Variants in DPP10 observed in about 807,000 individuals in gnomAD.
DPP10 encodes dipeptidyl peptidase like 10, also known as inactive dipeptidyl peptidase 10.
In DPP10, 33 loss-of-function variants were observed where a neutral mutation model predicts 120.9. The observed-to-expected ratio is 0.27, with a 90% CI of 0.21 to 0.37. DPP10 has a LOEUF of 0.37. Ranked by LOEUF, DPP10 falls within the 10% of genes least tolerant of loss-of-function variation. The pLI is 1.00. For missense variants in DPP10, 816 were observed against 942.8 expected (o/e 0.87, Z 1.76); for synonymous variants, 337 against 326.1 (o/e 1.03, Z -0.36).
intron 5 of DPP10, among the ~76,000 whole-genome samples, chr2:115,555,134 T>C (rs1294464537): frequency 6.6e-6 from 1 of 152,122 alleles, no homozygotes; most frequent in Non-Finnish European, 1.5e-5. Flanking sequence ...CAAATGGATA[T>C]TGATGGGGAA....
chr2:115,733,926 T>C (rs188525026), intron 8 of DPP10, among the ~76,000 whole-genome samples: 1 of 152,338 alleles, frequency 6.6e-6, no homozygotes, highest in East Asian at 1.9e-4. Context: ...TCTTTGTAAA[T>C]AATATAATAT....
chr2:114,535,716 G>T (rs144776659), intron 1 of DPP10, among the ~76,000 whole-genome samples: 3 of 150,814 alleles, frequency 2.0e-5, no homozygotes, highest in Non-Finnish European at 3.0e-5. Flanking sequence ...CTGTCAGACA[G>T]TTTTTTTTTC....
intron 1 of DPP10, among the ~76,000 whole-genome samples, chr2:115,090,272 T>G (rs1709134183): frequency 6.6e-6 from 1 of 152,198 alleles, no homozygotes; most frequent in Non-Finnish European, 1.5e-5. Context: ...TCATACGACA[T>G]TCTGGACAAG....
chr2:115,252,908 A>G (rs537030315), intron 1 of DPP10, among the ~76,000 whole-genome samples: 1 of 152,328 alleles, frequency 6.6e-6, no homozygotes. Flanking sequence ...TTTGACCCAT[A>G]GTTCCAGCTT....
chr2:114,545,394 A>AAC (rs1457906078), intron 1 of DPP10, among the ~76,000 whole-genome samples: 1 of 152,196 alleles, frequency 6.6e-6, no homozygotes, highest in Non-Finnish European at 1.5e-5. Flanking sequence ...TGATTCACTG[A>AAC]ACAGATGGCT....
At chr2:115,509,214 G>A (rs567438356) in intron 4 of DPP10, among the ~76,000 whole-genome samples, 33 of 152,248 alleles carry the variant, frequency 2.2e-4, no homozygotes, top group African/African-American at 7.9e-4. Context: ...AGACACTAGT[G>A]GATGGCCTAG....
chr2:114,471,356 G>A (rs1362822569), intron 1 of DPP10, among the ~76,000 whole-genome samples: 2 of 152,072 alleles, frequency 1.3e-5, no homozygotes, highest in Admixed American at 1.3e-4. Flanking sequence ...AGTCTAAAAG[G>A]TGTCAAAGGA....
intron 1 of DPP10, among the ~76,000 whole-genome samples, chr2:114,444,267 T>C (rs1287606394): frequency 6.6e-6 from 1 of 152,180 alleles, no homozygotes; most frequent in Non-Finnish European, 1.5e-5. Context: ...TATCTAAGCA[T>C]ATCACTGAAC....
At chr2:115,306,566 G>T (rs1420409590) in intron 1 of DPP10, among the ~76,000 whole-genome samples, 2 of 152,044 alleles carry the variant, frequency 1.3e-5, no homozygotes, top group Non-Finnish European at 2.9e-5. Context: ...AGTAACGTAA[G>T]TAACACCATG....
intron 1 of DPP10, among the ~76,000 whole-genome samples, chr2:114,711,118 T>C (rs1250791304): frequency 6.6e-6 from 1 of 152,202 alleles, no homozygotes; most frequent in African/African-American, 2.4e-5. Context: ...AGGCAGTTTT[T>C]GGATGATCAT....
At chr2:115,159,973 A>C (rs148816248) in intron 1 of DPP10, among the ~76,000 whole-genome samples, 1,695 of 152,312 alleles carry the variant, frequency 0.011, 23 homozygotes, top group African/African-American at 0.029. Context: ...TGGAAACACA[A>C]TGAAAGGATG....
At position 114,972,546 on chromosome 2, in the gene DPP10, A is replaced by C. The variant is rs534898773; in HGVS notation, c.61-336693A>C. Among the ~76,000 whole-genome samples, 4 of 152,208 alleles carry C rather than the reference A, an allele frequency of 2.6e-5. 1 individual carries two copies. Among genetic ancestry groups the C allele is most frequent in the Admixed American group, 2.6e-4 (4 of 15,278 alleles). On this transcript the variant is annotated intron_variant, in intron 1 of 25. Coordinates refer to ENST00000410059, the MANE Select transcript of DPP10 (RefSeq NM_020868.6). ...GGAATCTAGAAACAGGGTGGATCTCAGGATGATGGATCCATTGATTCCATG... is the reference window on the plus strand; with the variant it reads ...GGAATCTAGAAACAGGGTGGATCTCCGGATGATGGATCCATTGATTCCATG...
intron 1 of DPP10, among the ~76,000 whole-genome samples, chr2:115,084,898 A>C (rs1708566785): frequency 6.6e-6 from 1 of 152,190 alleles, no homozygotes. Context: ...ATGCATTAGC[A>C]TTTCTAGGAA....
intron 1 of DPP10, among the ~76,000 whole-genome samples, chr2:114,729,911 A>ACTAGAGG (rs1485789649): frequency 6.2e-4 from 95 of 152,352 alleles, no homozygotes; most frequent in African/African-American, 2.2e-3. Flanking sequence ...ACAGGCAGTA[A>ACTAGAGG]TTGATGAAAG....
chr2:115,274,928 T>C (rs772466046), intron 1 of DPP10, among the ~76,000 whole-genome samples: 2 of 152,216 alleles, frequency 1.3e-5, no homozygotes, highest in Admixed American at 6.5e-5. Context: ...AGATCACTTG[T>C]GTTCAGCACC....
intron 19 of DPP10, among the ~76,000 whole-genome samples, chr2:115,800,568 G>A (rs1479440476): frequency 6.6e-6 from 1 of 151,968 alleles, no homozygotes; most frequent in East Asian, 1.9e-4. Context: ...TATGGTTTTA[G>A]GTCTAACGTT....
chr2:114,757,004 C>G (rs142779545), intron 1 of DPP10, among the ~76,000 whole-genome samples: 3 of 151,332 alleles, frequency 2.0e-5, no homozygotes, highest in African/African-American at 7.3e-5. Context: ...CCTAGCCTAA[C>G]GCTCACAACA....
intron 1 of DPP10, among the ~76,000 whole-genome samples, chr2:114,682,248 A>G (rs1699073698): frequency 6.6e-6 from 1 of 151,864 alleles, no homozygotes; most frequent in East Asian, 1.9e-4. Flanking sequence ...GCATGGATGG[A>G]ACTGGAGATC....
chr2:115,695,255 A>G (rs2091522968), intron 7 of DPP10, among the ~76,000 whole-genome samples: 1 of 152,234 alleles, frequency 6.6e-6, no homozygotes, highest in Non-Finnish European at 1.5e-5. Context: ...CAGCATAAAG[A>G]CAGCCTCCAA....
Sources: gnomAD v4.1 joint callset for allele counts (sites outside exome capture counted in the v4.1 genomes callset) on GRCh38, gnomAD v4.1.1 for gene constraint, MANE v1.5 for transcripts, NCBI Gene and HGNC (gene_info 2026-07-23, HGNC 2026-07-21) for gene names.